RASSF3: variants seen among roughly 807,000 people sequenced by gnomAD.
RASSF3 encodes ras association domain-containing protein 3.
RASSF3 carries 19 observed loss-of-function variants against 19.9 expected under a neutral mutation model. The ratio of observed to expected loss-of-function variants is 0.96; its 90% CI spans 0.67 to 1.40. The LOEUF (loss-of-function observed/expected upper bound fraction) is 1.40. Ranked by LOEUF, RASSF3 falls within the 40% of genes most tolerant of loss-of-function variation. The pLI is 0.00. For synonymous variants in RASSF3, 110 were observed against 104.2 expected, an observed-to-expected ratio of 1.06 and a Z score of -0.34; for missense variants, 306 against 289.8, an observed-to-expected ratio of 1.06 and a Z score of -0.41.
chr12:64,667,210 T>G (rs1412550856), intron 1 of RASSF3, among the ~76,000 whole-genome samples: 1 of 152,110 alleles, frequency 6.6e-6, no homozygotes, highest in African/African-American at 2.4e-5. Flanking sequence ...AAATATGGTT[T>G]CTTTGCTGCA....
chr12:64,654,402 G>C (rs1294969352), intron 1 of RASSF3: 1 of 151,900 alleles, frequency 6.6e-6, no homozygotes, highest in African/African-American at 2.4e-5. Context: ...CTGACCTCAA[G>C]TGATCCGCCC....
chr12:64,611,020 C>T (rs541020292), intron 1 of RASSF3, among the ~76,000 whole-genome samples: 1 of 152,338 alleles, frequency 6.6e-6, no homozygotes, highest in East Asian at 1.9e-4. Flanking sequence ...CCTCGGGCTG[C>T]CGCCTGCGGG....
intron 1 of RASSF3, among the ~76,000 whole-genome samples, chr12:64,657,393 A>G (rs576254389): frequency 1.0e-3 from 156 of 152,360 alleles, no homozygotes; most frequent in African/African-American, 3.6e-3. Flanking sequence ...CTCAGTGTCA[A>G]ATAACTATAT....
intron 1 of RASSF3, among the ~76,000 whole-genome samples, chr12:64,518,526 G>A (rs535796229): frequency 4.9e-4 from 75 of 152,256 alleles, no homozygotes; most frequent in African/African-American, 1.7e-3. Context: ...ACTTATTACC[G>A]CAAGGATGGC....
At chr12:64,507,524 GTA>G (rs1257526312) in intron 1 of RASSF3, 2 of 372,844 alleles carry the variant, frequency 5.4e-6, no homozygotes, top group Non-Finnish European at 9.5e-6. Context: ...TGAGGCTGAT[GTA>G]TTAGAAGCCA....
In RASSF3 at chr12:64,610,749, T is replaced by G; in HGVS notation, c.111+6T>G. 1 of 1,570,064 alleles carries G rather than the reference T, an allele frequency of 6.4e-7. No homozygotes were observed. Among genetic ancestry groups the G allele is most frequent in the Non-Finnish European group, 8.6e-7 (1 of 1,156,398 alleles). On this transcript the variant is annotated splice_donor_region_variant and intron_variant, in intron 1 of 4. Coordinates refer to ENST00000542104, the MANE Select transcript of RASSF3 (RefSeq NM_178169.4). ...AGCCCCGCTCCGGCCAACAAGTGAG[T>G]GGCGCGCGGCGGGCGCTGCAGCCCG...
At chr12:64,595,106 C>T (rs937755521) in intron 2 of RASSF3, among the ~76,000 whole-genome samples, 28 of 119,798 alleles carry the variant, frequency 2.3e-4, no homozygotes, top group African/African-American at 8.1e-4. Flanking sequence ...CTTGCTCTGT[C>T]GCCCAGGCTG....
At chr12:64,629,811 A>C (rs973252553) in intron 1 of RASSF3, 44 of 151,904 alleles carry the variant, frequency 2.9e-4, no homozygotes, top group African/African-American at 9.4e-4. Context: ...CTAAAAATAC[A>C]AAAATTAGCT....
At chr12:64,672,224 C>CTTAT (rs1292352934) in intron 1 of RASSF3, among the ~76,000 whole-genome samples, 2 of 151,668 alleles carry the variant, frequency 1.3e-5, no homozygotes, top group Admixed American at 6.6e-5. Context: ...ATTTTGTTAT[C>CTTAT]TTATTTATTT....
intron 1 of RASSF3, among the ~76,000 whole-genome samples, chr12:64,668,522 C>T (rs1252571113): frequency 6.6e-6 from 1 of 152,052 alleles, no homozygotes; most frequent in East Asian, 1.9e-4. Context: ...ATCTGCCTGA[C>T]TTAGGCTTCG....
intron 2 of RASSF3, among the ~76,000 whole-genome samples, chr12:64,583,857 T>A (rs902000395): frequency 6.6e-6 from 1 of 152,224 alleles, no homozygotes; most frequent in Admixed American, 6.5e-5. Flanking sequence ...CAAGATCTTA[T>A]TTTATGTGAC....
intron 2 of RASSF3, among the ~76,000 whole-genome samples, chr12:64,590,205 C>A (rs1309614673): frequency 6.6e-6 from 1 of 150,940 alleles, no homozygotes; most frequent in Non-Finnish European, 1.5e-5. Context: ...CCACTGCACT[C>A]TGGCCTGGGT....
chr12:64,598,164 C>T (rs1393782179), intron 2 of RASSF3, among the ~76,000 whole-genome samples: 1 of 152,146 alleles, frequency 6.6e-6, no homozygotes, highest in Non-Finnish European at 1.5e-5. Flanking sequence ...AGTGACTTGC[C>T]CACTTTGGCC....
At chr12:64,586,748 C>A (rs1390560592) in intron 2 of RASSF3, among the ~76,000 whole-genome samples, 1 of 151,690 alleles carries the variant, frequency 6.6e-6, no homozygotes, top group Non-Finnish European at 1.5e-5. Context: ...CATGGTGAAA[C>A]CCCTTCCCTA....
chr12:64,532,172 C>A (rs1218757459), upstream of RASSF3, among the ~76,000 whole-genome samples: 5 of 152,210 alleles, frequency 3.3e-5, no homozygotes, highest in Non-Finnish European at 5.9e-5. Flanking sequence ...CTGAGCAGCT[C>A]TGCCCCCTCT....
At chr12:64,565,028 G>A (rs1213947746) in intron 2 of RASSF3, among the ~76,000 whole-genome samples, 1 of 151,704 alleles carries the variant, frequency 6.6e-6, no homozygotes, top group Admixed American at 6.6e-5. Context: ...TGATCCACCT[G>A]CCTCAGCCTC....
At chr12:64,510,575 C>T (rs1737016018) in intron 1 of RASSF3, among the ~76,000 whole-genome samples, 1 of 152,184 alleles carries the variant, frequency 6.6e-6, no homozygotes, top group Non-Finnish European at 1.5e-5. Context: ...AATTAAGGCT[C>T]CCAAATGGCT....
intron 2 of RASSF3, among the ~76,000 whole-genome samples, chr12:64,559,268 G>A (rs1051186905): frequency 6.7e-6 from 1 of 148,486 alleles, no homozygotes; most frequent in Non-Finnish European, 1.5e-5. Flanking sequence ...TTTTGAGGCG[G>A]AGTCTCACAC....
chr12:64,682,396 C>T (rs547473168), intron 1 of RASSF3, among the ~76,000 whole-genome samples: 1 of 151,892 alleles, frequency 6.6e-6, no homozygotes, highest in Non-Finnish European at 1.5e-5. Flanking sequence ...ACGGTGAAAC[C>T]CCGTCTCTAC....
Sources: gnomAD v4.1 joint callset for allele counts (sites outside exome capture counted in the v4.1 genomes callset) on GRCh38, gnomAD v4.1.1 for gene constraint, MANE v1.5 for transcripts, NCBI Gene and HGNC (gene_info 2026-07-23, HGNC 2026-07-21) for gene names.